Variants in CELF2 observed in about 807,000 individuals in gnomAD.
CELF2 encodes the protein CUGBP Elav-like family member 2, also known as CUG triplet repeat RNA-binding protein 2.
Under a neutral mutation model 62.6 loss-of-function variants are expected in CELF2, and 8 were observed. The observed-to-expected ratio is 0.13, with a 90% CI of 0.07 to 0.23. CELF2 has a LOEUF of 0.23. Ranked by LOEUF, CELF2 falls within the 10% of genes least tolerant of loss-of-function variation. CELF2 has a pLI of 1.00. For missense variants in CELF2, 333 were observed against 671.0 expected, an observed-to-expected ratio of 0.50 and a Z score of 5.56; for synonymous variants, 258 against 250.0, an observed-to-expected ratio of 1.03 and a Z score of -0.30.
chr10:10,550,793 G>A, the CELF2 span, among the ~76,000 whole-genome samples: 3 of 152,098 alleles, frequency 2.0e-5, no homozygotes, highest in South Asian at 4.2e-4. Context: ...CCGCCTCCCG[G>A]GTTCAAGTGA....
chr10:11,197,213 G>T (rs1380763265), intron 2 of CELF2, among the ~76,000 whole-genome samples: 2 of 151,966 alleles, frequency 1.3e-5, no homozygotes, highest in Non-Finnish European at 2.9e-5. Context: ...GTTGAACGTG[G>T]TCAGTGACTT....
chr10:10,836,157 G>A (rs1431082342), intron 1 of CELF2, among the ~76,000 whole-genome samples: 2 of 152,020 alleles, frequency 1.3e-5, no homozygotes, highest in Non-Finnish European at 2.9e-5. Context: ...TCAAACTGAT[G>A]GAAATAAACC....
the CELF2 span, among the ~76,000 whole-genome samples, chr10:10,740,713 A>G: frequency 6.6e-6 from 1 of 152,384 alleles, no homozygotes. Flanking sequence ...AAATATATGT[A>G]TGTATATATC....
the CELF2 span, among the ~76,000 whole-genome samples, chr10:10,641,211 C>T: frequency 6.6e-6 from 1 of 152,146 alleles, no homozygotes; most frequent in Admixed American, 6.6e-5. Flanking sequence ...CGGTCATGTA[C>T]AGGCAAACCA....
the CELF2 span, among the ~76,000 whole-genome samples, chr10:10,718,033 T>C: frequency 6.6e-6 from 1 of 152,236 alleles, no homozygotes; most frequent in African/African-American, 2.4e-5. Flanking sequence ...GTAGATTATA[T>C]AACTTCGTCT....
intron 1 of CELF2, among the ~76,000 whole-genome samples, chr10:11,138,028 G>A (rs981636134): frequency 2.0e-5 from 3 of 152,180 alleles, no homozygotes; most frequent in Admixed American, 6.5e-5. Context: ...GGGAAAAACA[G>A]ATTTAGATGA....
the CELF2 span, among the ~76,000 whole-genome samples, chr10:10,508,660 ATGTGTGTGTGTGTGTGTGTGTGTG>A: frequency 7.1e-6 from 1 of 140,718 alleles, no homozygotes; most frequent in Non-Finnish European, 1.5e-5. Flanking sequence ...TCTTAAACAG[ATGTGTGTGTGTGTGTGTGTGTGTG>A]TGTGTGTGTG....
the CELF2 span, among the ~76,000 whole-genome samples, chr10:10,633,497 G>A: frequency 6.6e-6 from 1 of 152,042 alleles, no homozygotes. Context: ...TGGATTGTTG[G>A]TGTTTATATT....
At chr10:10,843,857 G>C (rs1311255008) in intron 1 of CELF2, among the ~76,000 whole-genome samples, 1 of 151,898 alleles carries the variant, frequency 6.6e-6, no homozygotes, top group Admixed American at 6.6e-5. Flanking sequence ...ATGAAAGTGG[G>C]TATCCTTGAA....
chr10:11,141,029 A>G (rs1396589136), intron 1 of CELF2, among the ~76,000 whole-genome samples: 1 of 152,188 alleles, frequency 6.6e-6, no homozygotes, highest in Non-Finnish European at 1.5e-5. Flanking sequence ...AAAATAAAGC[A>G]TAGTTGCTAA....
intron 1 of CELF2, among the ~76,000 whole-genome samples, chr10:11,055,671 A>G (rs2065075926): frequency 1.3e-5 from 2 of 152,190 alleles, no homozygotes; most frequent in Admixed American, 6.5e-5. Flanking sequence ...ATGTGGCCTA[A>G]TTTTGATCCC....
At chr10:10,731,401 A>G in the CELF2 span, among the ~76,000 whole-genome samples, 4 of 152,304 alleles carry the variant, frequency 2.6e-5, no homozygotes, top group East Asian at 7.7e-4. Flanking sequence ...GTCTAATATC[A>G]TTGAATGTAT....
At chr10:10,715,925 C>T in the CELF2 span, among the ~76,000 whole-genome samples, 1 of 152,160 alleles carries the variant, frequency 6.6e-6, no homozygotes, top group Non-Finnish European at 1.5e-5. Context: ...TGCATATGCC[C>T]TCATTTGGGG....
chr10:11,024,813 G>A (rs1435755923), intron 1 of CELF2, among the ~76,000 whole-genome samples: 6 of 152,088 alleles, frequency 3.9e-5, no homozygotes, highest in African/African-American at 1.2e-4. Context: ...TCACTACTCA[G>A]GGACAATGAA....
At chr10:10,651,725 C>A in the CELF2 span, among the ~76,000 whole-genome samples, 2 of 151,702 alleles carry the variant, frequency 1.3e-5, no homozygotes, top group Non-Finnish European at 2.9e-5. Context: ...ATCTGTACAT[C>A]ACCATCATCA....
the CELF2 span, among the ~76,000 whole-genome samples, chr10:10,554,456 C>T: frequency 8.5e-5 from 13 of 152,176 alleles, no homozygotes; most frequent in Non-Finnish European, 2.9e-5. Context: ...CTACTTCCAG[C>T]TGTGTTTGAC....
chr10:11,208,731 G>A (rs962067779), intron 2 of CELF2, among the ~76,000 whole-genome samples: 3 of 152,174 alleles, frequency 2.0e-5, no homozygotes, highest in Non-Finnish European at 4.4e-5. Context: ...CGGGGTTCTG[G>A]TTTCTGTGAC....
chr10:10,771,234 A>T, the CELF2 span, among the ~76,000 whole-genome samples: 1 of 152,046 alleles, frequency 6.6e-6, no homozygotes, highest in Non-Finnish European at 1.5e-5. Context: ...CCAGTGGGAG[A>T]CATGACCTAA....
the CELF2 span, among the ~76,000 whole-genome samples, chr10:10,640,765 A>G: frequency 6.6e-6 from 1 of 152,248 alleles, no homozygotes; most frequent in Non-Finnish European, 1.5e-5. Context: ...GAACAAAGGA[A>G]AGAAAGAAAA....
Sources: allele counts gnomAD v4.1 joint callset (sites outside exome capture counted in the v4.1 genomes callset), GRCh38; gene constraint gnomAD v4.1.1; transcripts MANE v1.5; gene names NCBI Gene and HGNC (gene_info 2026-07-23, HGNC 2026-07-21).